The following PRKCZ variants were observed in gnomAD, a reference collection of about 807,000 sequenced individuals.
The protein encoded by PRKCZ is protein kinase C zeta type.
PRKCZ carries 33 observed loss-of-function variants against 79.5 expected under a neutral mutation model. The ratio of observed to expected loss-of-function variants is 0.41; its 90% CI spans 0.31 to 0.55. PRKCZ has a LOEUF of 0.55. Among genes scored for constraint, PRKCZ ranks in the 20% least tolerant of loss-of-function variants. The pLI, the probability that PRKCZ is intolerant of heterozygous loss-of-function variation, is 0.19. For synonymous variants in PRKCZ, 342 were observed against 320.9 expected, an observed-to-expected ratio of 1.07 and a Z score of -0.70; for missense variants, 578 against 813.5, an observed-to-expected ratio of 0.71 and a Z score of 3.52.
intron 4 of PRKCZ, among the ~76,000 whole-genome samples, chr1:2,117,554 G>A (rs1340842615): frequency 6.6e-6 from 1 of 151,986 alleles, no homozygotes; most frequent in Non-Finnish European, 1.5e-5. Context: ...TGTTACCCTG[G>A]CACTGTTGAT....
At chr1:2,056,993 G>T (rs1242688337) in intron 3 of PRKCZ, among the ~76,000 whole-genome samples, 2 of 152,176 alleles carry the variant, frequency 1.3e-5, no homozygotes, top group Non-Finnish European at 2.9e-5. Context: ...CTCCCAAAGT[G>T]CTGGGATTAC....
intron 9 of PRKCZ, among the ~76,000 whole-genome samples, chr1:2,153,384 G>A (rs1010852550): frequency 2.0e-5 from 3 of 152,226 alleles, no homozygotes; most frequent in Admixed American, 6.5e-5. Context: ...GCTGCTCGTC[G>A]AGCCCCGATG....
intron 16 of PRKCZ, chr1:2,181,909 C>T: frequency 2.2e-6 from 1 of 456,166 alleles, no homozygotes; most frequent in Non-Finnish European, 4.4e-6. Context: ...TGTGCGCACA[C>T]CACAGGTGAG....
chr1:2,174,922 A>G lies in PRKCZ; in HGVS notation c.1485+89A>G, dbSNP rs1050215900. 63 of 1,348,378 alleles carry G rather than the reference A, an allele frequency of 4.7e-5. No homozygotes were observed. The Admixed American group carries it at 1.0e-3, about 22-fold the overall frequency. The allele number at this position is 1,348,378 out of a possible 1,614,324, so 83.5% of individuals were successfully genotyped here. A position where few individuals can be genotyped will look rare whatever the true frequency, so the allele number is the denominator to read the frequency against. ...AGGCACGGCTGTTGGCCATTTTTTC[A>G]TGTCGGCTGCTGTGTATCGGGTGTG... On this transcript the variant is annotated intron_variant, in intron 15 of 17. Coordinates refer to ENST00000378567, the MANE Select transcript of PRKCZ (RefSeq NM_002744.6). The surrounding 1 kb of genome is among the most constrained non-coding windows in gnomAD (Gnocchi z 6.2).
At chr1:2,086,400 C>G (rs1664528596) in intron 4 of PRKCZ, among the ~76,000 whole-genome samples, 1 of 152,192 alleles carries the variant, frequency 6.6e-6, no homozygotes, top group South Asian at 2.1e-4. Context: ...GCCTCCGCAC[C>G]TGGCCTGGAA....
chr1:2,111,708 C>T (rs34402851), intron 4 of PRKCZ: 5 of 152,382 alleles, frequency 3.3e-5, no homozygotes, highest in South Asian at 2.1e-4. Context: ...CCCGCACCCT[C>T]GACTCCCCAC....
chr1:2,170,840 C>T (rs1028220933), intron 11 of PRKCZ, among the ~76,000 whole-genome samples: 1 of 152,220 alleles, frequency 6.6e-6, no homozygotes, highest in African/African-American at 2.4e-5. Flanking sequence ...CTTTTTCAGG[C>T]TGGATAATGC....
chr1:2,091,403 G>A lies in PRKCZ; in HGVS notation c.334+31812G>A, dbSNP rs577030892. ...TTCACCATTTTAACCATTTCTAAGT[G>A]TGTAGTTCAGTAAAGTAAATTCATG... On this transcript the variant is annotated intron_variant, in intron 4 of 17. Coordinates refer to ENST00000378567, the MANE Select transcript of PRKCZ (RefSeq NM_002744.6). Among the ~76,000 whole-genome samples the A allele has an allele frequency of 3.9e-5, 6 of 152,324 alleles. 1 individual carries two copies. In the South Asian group the frequency reaches 1.2e-3, roughly 32 times the overall value.
intron 4 of PRKCZ, chr1:2,071,392 G>A (rs901647907): frequency 3.0e-5 from 13 of 432,060 alleles, no homozygotes; most frequent in African/African-American, 1.0e-4. Flanking sequence ...GGGGCTGCGC[G>A]ACCGCCTGTG....
intron 4 of PRKCZ, chr1:2,073,543 C>T: frequency 1.2e-6 from 1 of 845,592 alleles, no homozygotes; most frequent in East Asian, 1.2e-4. Flanking sequence ...GAGTCCGAGC[C>T]CTGCCTGGGT....
intron 4 of PRKCZ, among the ~76,000 whole-genome samples, chr1:2,080,441 C>T (rs1663284735): frequency 6.8e-6 from 1 of 146,496 alleles, no homozygotes; most frequent in Admixed American, 6.6e-5. Flanking sequence ...AGGGCAAAGG[C>T]CCCTCTGTTT....
intron 4 of PRKCZ, chr1:2,074,614 CCTGT>C: frequency 2.2e-6 from 1 of 446,014 alleles, no homozygotes; most frequent in Non-Finnish European, 4.1e-6. Flanking sequence ...TGCCCTCCCG[CCTGT>C]CTGAGCCCCC....
chr1:2,137,149 G>A (rs560354897), intron 5 of PRKCZ, among the ~76,000 whole-genome samples: 2 of 152,234 alleles, frequency 1.3e-5, no homozygotes, highest in East Asian at 1.9e-4. Context: ...AATAAGTCCC[G>A]GAGTCTAAAG....
intron 4 of PRKCZ, among the ~76,000 whole-genome samples, chr1:2,087,028 G>C (rs1664644499): frequency 6.6e-6 from 1 of 152,118 alleles, no homozygotes; most frequent in African/African-American, 2.4e-5. Context: ...CAGTATGATG[G>C]TCAGTTGGCT....
chr1:2,162,940 C>G (rs1349694880), intron 10 of PRKCZ, among the ~76,000 whole-genome samples: 1 of 152,192 alleles, frequency 6.6e-6, no homozygotes, highest in African/African-American at 2.4e-5. Context: ...TAGTAACTTT[C>G]ATGGCTTCTG....
At chr1:2,114,689 G>A (rs1236988988) in intron 4 of PRKCZ, among the ~76,000 whole-genome samples, 5 of 152,088 alleles carry the variant, frequency 3.3e-5, no homozygotes, top group African/African-American at 9.7e-5. Flanking sequence ...CAGGAGAATC[G>A]CTTGAACCCG....
chr1:2,173,747 G>T lies in PRKCZ; in HGVS notation c.1286-150G>T. ...CCAGGTGGAGGTGCTGGTTCTGTTT[G>T]GGAAGTGGAAGTCACAGAGGCCTGT... is the stretch of plus-strand genomic sequence containing the variant. On this transcript the variant is annotated intron_variant, in intron 13 of 17. Transcript: ENST00000378567. The surrounding 1 kb of genome is among the most constrained non-coding windows in gnomAD (Gnocchi z 5.7). The T allele has an allele frequency of 8.6e-7, 1 of 1,166,122 alleles. No homozygotes were observed. The allele number at this position is 1,166,122 out of a possible 1,614,324, so 72.2% of individuals were successfully genotyped here.
intron 1 of PRKCZ, chr1:2,050,986 G>A (rs941427610): frequency 3.0e-6 from 1 of 336,742 alleles, no homozygotes; most frequent in Non-Finnish European, 5.4e-6. Flanking sequence ...CTGGAAAGTT[G>A]GGCGGGGACG....
chr1:2,102,292 C>A (rs1031024924), intron 4 of PRKCZ, among the ~76,000 whole-genome samples: 27 of 151,022 alleles, frequency 1.8e-4, no homozygotes, highest in African/African-American at 6.4e-4. Flanking sequence ...CTTTGTGAAG[C>A]CTAGTACACG....
Sources: gnomAD v4.1 joint callset for allele counts (sites outside exome capture counted in the v4.1 genomes callset) on GRCh38, gnomAD v4.1.1 for gene constraint, Gnocchi (gnomAD v3.1) non-coding constraint, MANE v1.5 for transcripts, NCBI Gene and HGNC (gene_info 2026-07-23, HGNC 2026-07-21) for gene names.